Variants in HIPK1 observed in about 807,000 individuals in gnomAD.
The protein encoded by HIPK1 is homeodomain-interacting protein kinase 1.
HIPK1 carries 28 observed loss-of-function variants against 117.1 expected under a neutral mutation model. That is an observed-to-expected ratio of 0.24 (90% CI 0.18 to 0.33). HIPK1 has a LOEUF of 0.33. Ranked by LOEUF, HIPK1 falls within the 10% of genes least tolerant of loss-of-function variation. The pLI is 1.00. For missense variants in HIPK1, 1,122 were observed against 1,475.1 expected, an observed-to-expected ratio of 0.76 and a Z score of 3.92; for synonymous variants, 605 against 562.5, an observed-to-expected ratio of 1.08 and a Z score of -1.07.
At chr1:113,972,384 T>C (rs138425868) in intron 15 of HIPK1, among the ~76,000 whole-genome samples, 1 of 152,234 alleles carries the variant, frequency 6.6e-6, no homozygotes, top group Non-Finnish European at 1.5e-5. Context: ...TAGGTCCTAC[T>C]TGTTGCTGGA....
At chr1:113,937,997 C>A (rs1670361450) in intron 1 of HIPK1, among the ~76,000 whole-genome samples, 1 of 151,902 alleles carries the variant, frequency 6.6e-6, no homozygotes, top group East Asian at 1.9e-4. Context: ...TAGGATCTAG[C>A]TCTGTTGCCC....
rs534604133 is a variant in HIPK1, at chr1:113,930,059, C to T, written c.-3+527C>T. ...CGCCCAGCCTGCCGGGGGCGCCTTC[C>T]TCAAAGGGCCCCTGCCTGGGACCGG... On this transcript the variant is annotated intron_variant, in intron 1 of 15. Coordinates refer to ENST00000426820, the MANE Select transcript of HIPK1 (RefSeq NM_198268.3). The T allele has an allele frequency of 6.5e-5, 63 of 972,478 alleles. No homozygotes were observed. In the African/African-American group the frequency reaches 1.1e-3, roughly 16 times the overall value. 60.2% of individuals were successfully genotyped at this position (972,478 alleles called of 1,614,324 possible).
chr1:113,972,023 T>G, intron 15 of HIPK1, 69 bp downstream of exon 15: 1 of 1,613,192 alleles, frequency 6.2e-7, no homozygotes, highest in Non-Finnish European at 8.5e-7. Context: ...GAACCCTGCT[T>G]CTGGCTGGAT....
chr1:113,945,095 C>A (rs947881575), intron 2 of HIPK1, among the ~76,000 whole-genome samples: 1 of 152,026 alleles, frequency 6.6e-6, no homozygotes, highest in African/African-American at 2.4e-5. Context: ...GTGATATGCC[C>A]GCCTCGGCAA....
intron 4 of HIPK1, 41 bp downstream of exon 4, chr1:113,954,811 C>T: frequency 6.6e-7 from 1 of 1,525,828 alleles, no homozygotes; most frequent in Non-Finnish European, 9.0e-7. Context: ...TGTACTCCAC[C>T]CCTCACTCCC....
intron 15 of HIPK1, among the ~76,000 whole-genome samples, chr1:113,972,653 G>A (rs1007277973): frequency 3.3e-5 from 5 of 152,126 alleles, no homozygotes; most frequent in African/African-American, 7.2e-5. Flanking sequence ...CTTAGAGGAC[G>A]AAAACAAAAG....
At chr1:113,959,827 G>A (rs1039414621) in intron 8 of HIPK1, among the ~76,000 whole-genome samples, 3 of 152,114 alleles carry the variant, frequency 2.0e-5, no homozygotes, top group African/African-American at 4.8e-5. Flanking sequence ...TGCCTGATAT[G>A]TATTACTATA....
intron 8 of HIPK1, among the ~76,000 whole-genome samples, chr1:113,959,482 T>TG (rs1255105986): frequency 1.3e-5 from 2 of 152,230 alleles, no homozygotes; most frequent in Non-Finnish European, 2.9e-5. Context: ...GTATGTTGAG[T>TG]GATTCTTCCA....
In HIPK1 at chr1:113,967,824, A is replaced by G. The variant is rs1232575076; in HGVS notation, c.2440A>G (p.Thr814Ala). The change falls in exon 12 of 16, where the codon ACT (threonine) becomes GCT (alanine). Residue 814 changes from threonine to alanine, a missense_variant. Transcript: ENST00000426820. ...STIMQQPSLL[T>A]NHVTLATAQP... ...TATCATGCAGCAGCCATCCTTGCTGACTAACCATGTGACATTGGCCACTGC... is the reference window on the plus strand; with the variant it reads ...TATCATGCAGCAGCCATCCTTGCTGGCTAACCATGTGACATTGGCCACTGC... The G allele has an allele frequency of 1.9e-6, 3 of 1,611,324 alleles. No homozygotes were observed. Among genetic ancestry groups the G allele is most frequent in the Middle Eastern group, 1.6e-4 (1 of 6,080 alleles).
intron 15 of HIPK1, 142 bp downstream of exon 15, chr1:113,972,096 C>G: frequency 1.3e-6 from 2 of 1,599,896 alleles, no homozygotes; most frequent in Non-Finnish European, 8.5e-7. Context: ...TGGCTTACGT[C>G]GTACCGCATA....
Position 113,970,132 on chromosome 1 carries a change from G to A in HIPK1, c.2948G>A (p.Arg983His), listed in dbSNP as rs374760868. ...GTTGTGGCAGATGGCACTGGCACCC[G>A]CACTATCATTGTGCCTCCACTGAAA... ...GRVVADGTGT[R>H]TIIVPPLKTQ... Residue 983 changes from arginine (R) to histidine (H), a missense_variant, in exon 14 of 16, where the codon CGC (arginine) becomes CAC (histidine). By Grantham distance (29) the Arg-to-His change is conservative (BLOSUM62 0). Around this residue, in one of 6 missense-constraint regions of HIPK1, gnomAD observed 731 missense variants for 860.4 expected, o/e 0.85. Coordinates refer to ENST00000426820, the MANE Select transcript of HIPK1 (RefSeq NM_198268.3). 1.2e-5 allele frequency: 20 copies of A among 1,614,128 alleles called. No individual in the cohort carries two copies. Among genetic ancestry groups the A allele is most frequent in the Admixed American group, 3.3e-5 (2 of 60,024 alleles).
chr1:113,963,915 A>AT lies in HIPK1; in HGVS notation c.2238+397dup, dbSNP rs565854979. Among the ~76,000 whole-genome samples, 607 of 152,256 alleles carry AT rather than the reference A, an allele frequency of 4.0e-3. 4 individuals carry two copies. The highest frequency in any genetic ancestry group is 6.6e-3 in the Non-Finnish European group (452 of 68,008). ...TTGAGAATGAAGGAAATGGCCTTTAATTTGGCTCAGCTACAGGTACCCGGA... is the reference window on the plus strand; with the variant it reads ...TTGAGAATGAAGGAAATGGCCTTTAATTTTGGCTCAGCTACAGGTACCCGGA... On this transcript the variant is annotated intron_variant, in intron 10 of 15. Transcript: ENST00000426820.
chr1:113,954,800 C>A, intron 4 of HIPK1, 30 bp downstream of exon 4: 1 of 1,585,520 alleles, frequency 6.3e-7, no homozygotes. Context: ...CTTCCGACTC[C>A]TGTACTCCAC....
At position 113,956,792 on chromosome 1, in the gene HIPK1, G is replaced by C; in HGVS notation, c.1573G>C (p.Asp525His). 2.5e-6 allele frequency: 4 copies of C among 1,613,984 alleles called. No individual in the cohort carries two copies. Among genetic ancestry groups the C allele is most frequent in the Non-Finnish European group, 3.4e-6 (4 of 1,179,926 alleles). The change falls in exon 6 of 16, where the codon GAT (aspartate) becomes CAT (histidine). Residue 525 changes from aspartate (D) to histidine (H), a missense_variant. By Grantham distance (81) the Asp-to-His change is moderately conservative. Coordinates refer to ENST00000426820, the MANE Select transcript of HIPK1 (RefSeq NM_198268.3). The stretch of plus-strand genomic sequence containing the variant: ...GTTTGTGACAATGACTCACCTTTTG[G>C]ATTTTCCACATAGCAATCAGTGAGT... Reference protein sequence around the residue: ...HQFVTMTHLLDFPHSNHVKSC... With the variant: ...HQFVTMTHLLHFPHSNHVKSC...
Position 113,970,027 on chromosome 1 carries a change from C to G in HIPK1, c.2843C>G (p.Ser948Cys), listed in dbSNP as rs766453937. 37 of 1,614,104 alleles carry G rather than the reference C, an allele frequency of 2.3e-5. No homozygotes were observed. The South Asian group carries it at 3.8e-4, about 17-fold the overall frequency. ...TVNDSPDSDS[S>C]LSSPYSTDTL... is the part of the protein sequence containing the mutation. Reference sequence around the variant, plus strand: ...AATGATTCTCCAGACTCTGACTCTTCTTTGAGCAGCCCTTATTCCACTGAT... The same window carrying G: ...AATGATTCTCCAGACTCTGACTCTTGTTTGAGCAGCCCTTATTCCACTGAT... Residue 948 changes from serine (S) to cysteine (C), a missense_variant, in exon 14 of 16, where the codon TCT (serine) becomes TGT (cysteine). This residue lies in a region of HIPK1 where 731 missense variants were observed against 860.4 expected (regional missense o/e 0.85). Transcript: ENST00000426820.
chr1:113,971,755 T>G, intron 14 of HIPK1, 69 bp from the exon 15 acceptor site: 1 of 1,487,242 alleles, frequency 6.7e-7, no homozygotes. Flanking sequence ...GTGGACTAAT[T>G]AATATGATGC....
chr1:113,966,938 A>T (rs1482699424), intron 11 of HIPK1, among the ~76,000 whole-genome samples: 1 of 151,334 alleles, frequency 6.6e-6, no homozygotes, highest in Non-Finnish European at 1.5e-5. Context: ...TATGTCCATG[A>T]ATTAAATTGT....
rs1380014982 is a variant in HIPK1 at position 113,974,904 on chromosome 1, C to G, written c.*1392C>G. On this transcript the variant is annotated 3_prime_UTR_variant, in exon 16 of 16. Transcript: ENST00000426820. ...GTGTATGTGATCCTCCAGTGTTATC[C>G]CGGAGATGGATTGATGTCTCCATTG... The G allele has an allele frequency of 6.6e-6, 1 of 152,636 alleles. No homozygotes were observed. The highest frequency in any genetic ancestry group is 1.5e-5 in the Non-Finnish European group (1 of 68,018). 9.5% of individuals were successfully genotyped at this position (152,636 alleles called of 1,614,324 possible).
At chr1:113,963,755 T>G (rs1459544195) in intron 10 of HIPK1, among the ~76,000 whole-genome samples, 3 of 152,210 alleles carry the variant, frequency 2.0e-5, no homozygotes, top group African/African-American at 7.2e-5. Context: ...ACTGTCTGAC[T>G]GATGGTTATG....
Sources: gnomAD v4.1 joint callset for allele counts (sites outside exome capture counted in the v4.1 genomes callset) on GRCh38, gnomAD v4.1.1 for gene constraint, gnomAD v4.1.1 regional missense constraint, MANE v1.5 for transcripts, NCBI Gene and HGNC (gene_info 2026-07-23, HGNC 2026-07-21) for gene names.